The following CYP4F11 variants were observed in gnomAD, a reference collection of about 807,000 sequenced individuals.
CYP4F11 encodes cytochrome P450 4F11.
In CYP4F11, 79 loss-of-function variants were observed where a neutral mutation model predicts 62.2. The ratio of observed to expected loss-of-function variants is 1.27; its 90% confidence interval spans 1.06 to 1.53. The LOEUF (loss-of-function observed/expected upper bound fraction) is 1.53. Among genes scored for constraint, CYP4F11 ranks in the 40% most tolerant of loss-of-function variants. The pLI is 0.00. For synonymous variants in CYP4F11, 290 were observed against 263.7 expected (o/e 1.10, Z -0.97); for missense variants, 777 against 680.5 (o/e 1.14, Z -1.58).
At chr19:15,933,905 C>A (rs151217963) in intron 1 of CYP4F11, among the ~76,000 whole-genome samples, 1 of 10,764 alleles carries the variant, frequency 9.3e-5, no homozygotes, top group African/African-American at 3.3e-4. Flanking sequence ...AGTGAGTGGG[C>A]AGAGGAATGA....
In CYP4F11 at chr19:15,923,840, T is replaced by C. The variant is rs753048609; in HGVS notation, c.890A>G (p.Asp297Gly). Reference sequence around the variant, plus strand: ...GCTCAGCAGAAGCACATCAATGAAGTCTAAAGTCTTGGACTTTGCCTTGTT... The same window carrying C: ...GCTCAGCAGAAGCACATCAATGAAGCCTAAAGTCTTGGACTTTGCCTTGTT... ...LKNKAKSKTL[D>G]FIDVLLLSKD... The change falls in exon 6 of 12, where the codon GAC becomes GGC. Residue 297 changes from aspartate to glycine, a missense_variant. Physicochemically the swap from Asp to Gly is moderately conservative, Grantham distance 94 (BLOSUM62 -1). Coordinates refer to ENST00000402119, the MANE Select transcript of CYP4F11 (RefSeq NM_021187.4). 1.2e-6 allele frequency: 2 copies of C among 1,614,144 alleles called. No homozygotes were observed. Among genetic ancestry groups the C allele is most frequent in the Admixed American group, 1.7e-5 (1 of 60,016 alleles).
At chr19:15,922,327 C>T (rs1386422801) in intron 7 of CYP4F11, 37 bp downstream of exon 7, 6 of 1,612,900 alleles carry the variant, frequency 3.7e-6, no homozygotes, top group Non-Finnish European at 2.5e-6. Context: ...ATGGAGAGGC[C>T]CCTGTCCCCA....
rs1408129593 is a variant in CYP4F11 at position 15,931,608 on chromosome 19, AGG to A, written c.199-2009_199-2008del. ...AGGAGAGGAATGAGTGAGTGAGGAGAGGAATGAGTGAGCGAGGAGAGGAATGA... is the reference window on the plus strand; with the variant it reads ...AGGAGAGGAATGAGTGAGTGAGGAGAAATGAGTGAGCGAGGAGAGGAATGA... On this transcript the variant is annotated intron_variant, in intron 1 of 11. Transcript: ENST00000402119. Among the ~76,000 whole-genome samples the A allele has an allele frequency of 6.1e-3, 627 of 102,022 alleles. 16 individuals carry two copies. The highest frequency in any genetic ancestry group is 0.016 in the Middle Eastern group (3 of 190). The allele number at this position is 102,022 out of a possible 152,430, so 66.9% of individuals were successfully genotyped here. A position where few individuals can be genotyped will look rare whatever the true frequency, so the allele number is the denominator to read the frequency against.
At chr19:15,921,862 G>A (rs1402587663) in intron 8 of CYP4F11, among the ~76,000 whole-genome samples, 175 bp downstream of exon 8, 1 of 152,122 alleles carries the variant, frequency 6.6e-6, no homozygotes, top group East Asian at 1.9e-4. Flanking sequence ...GGTCCCAAAA[G>A]CCTGCAAACC....
At chr19:15,925,297 A>C (rs1038198834) in intron 4 of CYP4F11, among the ~76,000 whole-genome samples, 7 of 152,176 alleles carry the variant, frequency 4.6e-5, no homozygotes, top group Non-Finnish European at 7.4e-5. Context: ...TCTGGACCTC[A>C]GTTTCATAGT....
intron 5 of CYP4F11, 98 bp downstream of exon 5, chr19:15,924,663 T>A: frequency 6.7e-7 from 1 of 1,483,402 alleles, no homozygotes; most frequent in Non-Finnish European, 9.2e-7. Flanking sequence ...GAAAGTGCCT[T>A]CAGAAAGGCA....
chr19:15,929,885 A>G (rs1313212803), intron 1 of CYP4F11, among the ~76,000 whole-genome samples: 1 of 152,176 alleles, frequency 6.6e-6, no homozygotes, highest in African/African-American at 2.4e-5. Context: ...GTGCTCATCC[A>G]TCTGCTCCTG....
chr19:15,917,306 T>TACATATTGAGTACAGTGTAC (rs2089590760), intron 8 of CYP4F11, among the ~76,000 whole-genome samples: 1 of 152,236 alleles, frequency 6.6e-6, no homozygotes. Context: ...GATAAAAGGT[T>TACATATTGAGTACAGTGTAC]ACATATTGAG....
intron 4 of CYP4F11, among the ~76,000 whole-genome samples, chr19:15,926,793 T>C (rs905593969): frequency 6.6e-6 from 1 of 152,228 alleles, no homozygotes; most frequent in African/African-American, 2.4e-5. Context: ...GCTGCCCACA[T>C]GACCCACAGC....
chr19:15,924,211 C>T (rs976995014), intron 5 of CYP4F11, 129 bp from the exon 6 acceptor site: 1 of 1,208,142 alleles, frequency 8.3e-7, no homozygotes, highest in Admixed American at 2.3e-5. Context: ...TCTCCAAACT[C>T]TCTTCTCTGA....
intron 2 of CYP4F11, chr19:15,927,911 C>T (rs1196084898): frequency 1.7e-5 from 3 of 177,822 alleles, no homozygotes; most frequent in African/African-American, 7.1e-5. Context: ...ATGACAAACC[C>T]TAAATGACAC....
rs2089544736 is a variant in CYP4F11, at chr19:15,912,743, ATATG to A, written c.*985_*988del. 6 of 34,118 alleles carry A rather than the reference ATATG, an allele frequency of 1.8e-4. 1 individual carries two copies. The highest frequency in any genetic ancestry group is 1.2e-3 in the South Asian group (1 of 822). 2.1% of individuals were successfully genotyped at this position (34,118 alleles called of 1,614,324 possible). Reference sequence around the variant, plus strand: ...TGTGTGTGTGTGTGTGTATATGTATATATGTGTGTGTGTGTGTGTGTGTGTGTGT... The same window carrying A: ...TGTGTGTGTGTGTGTGTATATGTATATGTGTGTGTGTGTGTGTGTGTGTGT... On this transcript the variant is annotated 3_prime_UTR_variant, in exon 12 of 12. Coordinates refer to ENST00000402119, the MANE Select transcript of CYP4F11 (RefSeq NM_021187.4).
rs200334703 is a variant in CYP4F11, at chr19:15,934,359, G to T, written c.50C>A (p.Ser17Tyr). The T allele has an allele frequency of 5.0e-6, 8 of 1,613,364 alleles. No individual in the cohort carries two copies. The South Asian group carries it at 5.5e-5, about 11-fold the overall frequency. The change falls in exon 1 of 12, where the codon TCC (serine) becomes TAC (tyrosine). Residue 17 changes from serine (S) to tyrosine (Y), a missense_variant. Transcript: ENST00000402119. Reference sequence around the variant, plus strand: ...AACCAGCAGCAGAAGCAGCCACGGGGATGCTGCCACGGGCCCGAGGCCCAG... The same window carrying T: ...AACCAGCAGCAGAAGCAGCCACGGGTATGCTGCCACGGGCCCGAGGCCCAG... Reference protein sequence around the residue: ...SWLGLGPVAASPWLLLLLVGG... With the variant: ...SWLGLGPVAAYPWLLLLLVGG...
chr19:15,919,471 T>TAG (rs2089607438), intron 8 of CYP4F11, among the ~76,000 whole-genome samples: 1 of 136,588 alleles, frequency 7.3e-6, no homozygotes, highest in Non-Finnish European at 1.6e-5. Context: ...TGGACAGATG[T>TAG]ATAGATAGAT....
At position 15,912,763 on chromosome 19, in the gene CYP4F11, G is replaced by GTA. The variant is rs1378556174; in HGVS notation, c.*968_*969insTA. 15 of 25,210 alleles carry GTA rather than the reference G, an allele frequency of 6.0e-4. No individual in the cohort carries two copies. Among genetic ancestry groups the GTA allele is most frequent in the African/African-American group, 1.8e-3 (14 of 7,882 alleles). 1.6% of individuals were successfully genotyped at this position (25,210 alleles called of 1,614,324 possible). A position where few individuals can be genotyped will look rare whatever the true frequency, so the allele number is the denominator to read the frequency against. On this transcript the variant is annotated 3_prime_UTR_variant, in exon 12 of 12. Transcript: ENST00000402119. ...TGTATATATGTGTGTGTGTGTGTGT[G>GTA]TGTGTGTGTATATATATATATATAT...
chr19:15,922,660 G>T (rs1164633835), intron 6 of CYP4F11, among the ~76,000 whole-genome samples: 1 of 152,152 alleles, frequency 6.6e-6, no homozygotes, highest in Non-Finnish European at 1.5e-5. Context: ...ATGACCTATG[G>T]ATATTTTCTT....
At position 15,934,294 on chromosome 19, in the gene CYP4F11, A is replaced by G. The variant is rs142973676; in HGVS notation, c.115T>C (p.Tyr39His). 7.2e-4 allele frequency: 1,163 copies of G among 1,613,826 alleles called. 1 individual carries two copies. The highest frequency in any genetic ancestry group is 8.7e-4 in the Non-Finnish European group (1,031 of 1,179,830). ...CGGCGGCAGTTGTCATAGAAGGTGT[A>G]GGTCCAGGCCAGGACGCGGGCCAGG... The part of the protein sequence containing the change: ...WLLARVLAWT[Y>H]TFYDNCRRLQ... Residue 39 changes from tyrosine (Y) to histidine (H), a missense_variant, in exon 1 of 12, where the codon TAC becomes CAC. Coordinates refer to ENST00000402119, the MANE Select transcript of CYP4F11 (RefSeq NM_021187.4).
At chr19:15,926,707 G>A (rs543575136) in intron 4 of CYP4F11, among the ~76,000 whole-genome samples, 7 of 152,304 alleles carry the variant, frequency 4.6e-5, no homozygotes, top group Non-Finnish European at 8.8e-5. Context: ...TGTCACAGCT[G>A]AGGCCATCCC....
chr19:15,928,461 C>T (rs1366364901), intron 2 of CYP4F11, among the ~76,000 whole-genome samples: 5 of 152,138 alleles, frequency 3.3e-5, no homozygotes, highest in African/African-American at 1.2e-4. Flanking sequence ...ATGGTAAAAT[C>T]GAGAGAAGGA....
Sources: gnomAD v4.1 joint callset for allele counts (sites outside exome capture counted in the v4.1 genomes callset) on GRCh38, gnomAD v4.1.1 for gene constraint, MANE v1.5 for transcripts, NCBI Gene and HGNC (gene_info 2026-07-23, HGNC 2026-07-21) for gene names.